The following RBM39 variants were observed in gnomAD, a reference collection of about 807,000 sequenced individuals.
RBM39 encodes the protein RNA-binding protein 39.
In RBM39, 12 loss-of-function variants were observed where a neutral mutation model predicts 79.6. The ratio of observed to expected loss-of-function variants is 0.15; its 90% CI spans 0.10 to 0.24. The LOEUF is 0.24. Among genes scored for constraint, RBM39 ranks in the 10% least tolerant of loss-of-function variants. The pLI is 1.00. For synonymous variants in RBM39, 185 were observed against 208.4 expected, an observed-to-expected ratio of 0.89 and a Z score of 0.97; for missense variants, 243 against 653.4, an observed-to-expected ratio of 0.37 and a Z score of 6.85.
chr20:35,731,983 C>T lies in RBM39; in HGVS notation c.254G>A (p.Arg85Lys), dbSNP rs2039418671. The change falls in exon 4 of 17, where the codon AGA becomes AAA. Residue 85 changes from arginine (R) to lysine (K), a missense_variant. By Grantham distance (26) the Arg-to-Lys change is conservative. Around this residue, in one of 4 missense-constraint regions of RBM39, gnomAD observed 115 missense variants for 184.1 expected, o/e 0.62. Coordinates refer to ENST00000253363, the MANE Select transcript of RBM39 (RefSeq NM_184234.3). Reference protein sequence around the residue: ...RSKERRRSRSRSRDRRFRGRY... With the variant: ...RSKERRRSRSKSRDRRFRGRY... ...GCCTCTAAATCTTCGATCTCGACTT[C>T]TTGAGCGGCTCCGTCGCCTCTCTTT... The T allele has an allele frequency of 1.2e-6, 2 of 1,614,180 alleles. No individual in the cohort carries two copies. The highest frequency in any genetic ancestry group is 1.7e-6 in the Non-Finnish European group (2 of 1,180,040).
chr20:35,727,738 C>T (rs1469364081), intron 6 of RBM39, among the ~76,000 whole-genome samples: 4 of 151,918 alleles, frequency 2.6e-5, no homozygotes, highest in Admixed American at 2.6e-4. Context: ...CAACCTCCGC[C>T]TCTTGGGTTC....
At chr20:35,705,070 G>A in intron 15 of RBM39, 155 bp downstream of exon 15, 1 of 623,592 alleles carries the variant, frequency 1.6e-6, no homozygotes, top group Non-Finnish European at 2.8e-6. Flanking sequence ...TTATTTTGGA[G>A]GGTTTATTTA....
At chr20:35,728,622 C>T (rs2039022643) in intron 6 of RBM39, among the ~76,000 whole-genome samples, 1 of 151,980 alleles carries the variant, frequency 6.6e-6, no homozygotes, top group Non-Finnish European at 1.5e-5. Flanking sequence ...ACTTAAAATA[C>T]AAAAATTTGC....
intron 8 of RBM39, 117 bp downstream of exon 8, chr20:35,724,453 G>T: frequency 2.0e-5 from 18 of 899,118 alleles, no homozygotes; most frequent in Non-Finnish European, 2.6e-5. Context: ...AAAAAGTCCT[G>T]AAAACATCCG....
Position 35,738,976 on chromosome 20 carries a change from A to C in RBM39, c.93T>G (p.Arg31=). 6.2e-7 allele frequency: 1 copy of C among 1,613,314 alleles called. No individual in the cohort carries two copies. The highest frequency in any genetic ancestry group is 8.5e-7 in the Non-Finnish European group (1 of 1,179,274). The change falls in exon 3 of 17, where the codon CGT becomes CGG. Residue 31 remains arginine, a synonymous_variant. Coordinates refer to ENST00000253363, the MANE Select transcript of RBM39 (RefSeq NM_184234.3). The part of the protein sequence containing the change: ...KLSSANGHEE[R]SKKRKKSKSR... ...CCCTTCTTAAAACTCACTTTTTGCT[A>C]CGTTCTTCATGGCCGTTGGCACTGC...
At chr20:35,728,641 G>T (rs1464653940) in intron 6 of RBM39, among the ~76,000 whole-genome samples, 1 of 152,132 alleles carries the variant, frequency 6.6e-6, no homozygotes, top group Non-Finnish European at 1.5e-5. Flanking sequence ...GCCGGGCATT[G>T]TGGCACATGC....
chr20:35,741,687 G>C (rs759333353), intron 1 of RBM39: 4 of 152,266 alleles, frequency 2.6e-5, no homozygotes, highest in Non-Finnish European at 5.9e-5. Flanking sequence ...GCCATGTTGG[G>C]AGGTCGCGGC....
At position 35,722,943 on chromosome 20, in the gene RBM39, A is replaced by G. The variant is rs1487572491; in HGVS notation, c.688-1066T>C. On this transcript the variant is annotated intron_variant, in intron 8 of 16. Coordinates refer to ENST00000253363, the MANE Select transcript of RBM39 (RefSeq NM_184234.3). ...AGCGAGACTCCGTCTCAAGAGAAAA[A>G]AAAAAAAAAAAGTAAGCAGGCTACA... is the stretch of plus-strand genomic sequence containing the variant. Among the ~76,000 whole-genome samples the G allele has an allele frequency of 6.0e-4, 91 of 151,836 alleles. 1 individual carries two copies. Among genetic ancestry groups the G allele is most frequent in the African/African-American group, 2.1e-3 (87 of 41,404 alleles).
intron 9 of RBM39, among the ~76,000 whole-genome samples, chr20:35,717,544 A>G (rs762057652): frequency 3.3e-5 from 5 of 152,208 alleles, no homozygotes; most frequent in Non-Finnish European, 7.3e-5. Flanking sequence ...GTAAAAATGG[A>G]ATGAATTTGG....
intron 2 of RBM39, 128 bp from the exon 3 acceptor site, chr20:35,739,145 A>T: frequency 1.2e-6 from 1 of 834,576 alleles, no homozygotes; most frequent in Non-Finnish European, 2.0e-6. Flanking sequence ...TTATAGTTTA[A>T]CATGGAAGGC....
chr20:35,726,949 C>T (rs1385218012), intron 6 of RBM39, among the ~76,000 whole-genome samples: 2 of 152,060 alleles, frequency 1.3e-5, no homozygotes. Context: ...CCTCTCTTCC[C>T]GAGTAACTGG....
chr20:35,707,027 TA>T (rs58614202), intron 14 of RBM39, 92 bp downstream of exon 14: 20,715 of 150,978 alleles, frequency 0.14, 716 homozygotes, highest in African/African-American at 0.22. Flanking sequence ...AACTCCATCT[TA>T]AAAAAAAAAA....
chr20:35,716,129 A>C (rs867351160), intron 10 of RBM39, among the ~76,000 whole-genome samples: 7 of 152,136 alleles, frequency 4.6e-5, no homozygotes, highest in Non-Finnish European at 7.3e-5. Context: ...ACTGCAGCGC[A>C]ATAGCACAAT....
chr20:35,735,422 A>G (rs989030502), intron 3 of RBM39, among the ~76,000 whole-genome samples: 3 of 152,330 alleles, frequency 2.0e-5, no homozygotes, highest in African/African-American at 4.8e-5. Context: ...AGTGTATGTT[A>G]AGAATCAGAA....
intron 3 of RBM39, 105 bp downstream of exon 3, chr20:35,738,863 G>T: frequency 1.0e-6 from 1 of 986,304 alleles, no homozygotes; most frequent in Non-Finnish European, 1.5e-6. Flanking sequence ...GCAAAGAAAA[G>T]CTTCAGAAGA....
chr20:35,742,193 G>C lies in RBM39; in HGVS notation c.-266C>G, dbSNP rs942518986. Reference sequence around the variant, plus strand: ...TCGGCAGCTCAGGATCCACCCCTGCGACAGCGTCGACAAGCTCCCTGAAAT... The same window carrying C: ...TCGGCAGCTCAGGATCCACCCCTGCCACAGCGTCGACAAGCTCCCTGAAAT... On this transcript the variant is annotated 5_prime_UTR_variant, in exon 1 of 17. Coordinates refer to ENST00000253363, the MANE Select transcript of RBM39 (RefSeq NM_184234.3). 2.5e-5 allele frequency: 4 copies of C among 158,000 alleles called. No homozygotes were observed. Among genetic ancestry groups the C allele is most frequent in the African/African-American group, 9.7e-5 (4 of 41,450 alleles). 9.8% of individuals were successfully genotyped at this position (158,000 alleles called of 1,614,324 possible).
intron 13 of RBM39, 114 bp from the exon 14 acceptor site, chr20:35,707,315 G>T: frequency 1.8e-6 from 1 of 557,980 alleles, no homozygotes; most frequent in Non-Finnish European, 3.1e-6. Context: ...GGATGTCACT[G>T]GAGTTATTTT....
At chr20:35,740,263 T>C (rs2040383129) in intron 2 of RBM39, 1 of 176,660 alleles carries the variant, frequency 5.7e-6, no homozygotes, top group Non-Finnish European at 1.2e-5. Flanking sequence ...GAGCAGCAGA[T>C]TGCCACTGGA....
intron 7 of RBM39, 143 bp from the exon 8 acceptor site, chr20:35,724,865 T>G (rs2038463713): frequency 8.6e-7 from 1 of 1,169,198 alleles, no homozygotes; most frequent in African/African-American, 1.6e-5. Flanking sequence ...ATATCCTATC[T>G]TTATCTTTGA....
Sources: allele counts gnomAD v4.1 joint callset (sites outside exome capture counted in the v4.1 genomes callset), GRCh38; gene constraint gnomAD v4.1.1; regional missense constraint gnomAD v4.1.1; transcripts MANE v1.5; gene names NCBI Gene and HGNC (gene_info 2026-07-23, HGNC 2026-07-21).